Variants in RBMS2 observed in about 807,000 individuals in gnomAD.
RBMS2 encodes the protein RNA-binding motif, single-stranded-interacting protein 2.
Under a neutral mutation model 58.4 loss-of-function variants are expected in RBMS2, and 38 were observed. That is an observed-to-expected ratio of 0.65 (90% CI 0.50 to 0.85). The LOEUF is 0.85. RBMS2 is among the 40% of genes least tolerant of loss of function. RBMS2 has a pLI of 0.00. For missense variants in RBMS2, 367 were observed against 503.7 expected (o/e 0.73, Z 2.60); for synonymous variants, 151 against 180.7 (o/e 0.84, Z 1.32).
At chr12:56,543,208 C>T (rs950120926) in intron 1 of RBMS2, among the ~76,000 whole-genome samples, 7 of 148,950 alleles carry the variant, frequency 4.7e-5, no homozygotes, top group African/African-American at 1.5e-4. Flanking sequence ...GAAGGCCGGG[C>T]GCAGTGGCTC....
At chr12:56,538,642 C>G (rs374226912) in intron 1 of RBMS2, among the ~76,000 whole-genome samples, 1 of 150,348 alleles carries the variant, frequency 6.7e-6, no homozygotes, top group Non-Finnish European at 1.5e-5. Flanking sequence ...CCACCAAGCC[C>G]GGCTAATTTT....
At chr12:56,562,668 G>C (rs1160987505) in intron 2 of RBMS2, 85 bp downstream of exon 2, 72 of 1,415,676 alleles carry the variant, frequency 5.1e-5, no homozygotes, top group Non-Finnish European at 6.4e-5. Flanking sequence ...GTCCAGGCTA[G>C]TCTTGAACTC....
Position 56,569,811 on chromosome 12 carries a change from A to G in RBMS2, c.293-88A>G. 7 of 1,144,046 alleles carry G rather than the reference A, an allele frequency of 6.1e-6. No individual in the cohort carries two copies. In the South Asian group the frequency reaches 7.6e-5, roughly 12 times the overall value. 70.9% of individuals were successfully genotyped at this position (1,144,046 alleles called of 1,614,324 possible). ...CCCTCCCATTTCTGTTACATGGATC[A>G]TAACTCTTCCTCTGTCTCCTGAAAA... On this transcript the variant is annotated intron_variant, in intron 3 of 13. Transcript: ENST00000262031.
intron 2 of RBMS2, among the ~76,000 whole-genome samples, chr12:56,564,803 G>A (rs550264629): frequency 1.2e-4 from 19 of 152,220 alleles, no homozygotes; most frequent in African/African-American, 1.9e-4. Context: ...GTTAAACCCC[G>A]TCTGTACTAA....
intron 1 of RBMS2, among the ~76,000 whole-genome samples, chr12:56,538,158 G>A (rs1040432919): frequency 5.3e-5 from 8 of 151,570 alleles, no homozygotes; most frequent in African/African-American, 9.7e-5. Context: ...TCAGCCTCCC[G>A]GGTAGCTGGG....
chr12:56,534,257 G>A (rs1462911536), intron 1 of RBMS2, among the ~76,000 whole-genome samples: 2 of 151,876 alleles, frequency 1.3e-5, no homozygotes, highest in African/African-American at 4.8e-5. Flanking sequence ...TCCTACCAAG[G>A]GATTTTTGGA....
At chr12:56,546,433 A>G (rs1388003944) in intron 1 of RBMS2, among the ~76,000 whole-genome samples, 2 of 145,532 alleles carry the variant, frequency 1.4e-5, no homozygotes, top group Non-Finnish European at 3.0e-5. Flanking sequence ...TATAATGTAT[A>G]ATATAATATG....
chr12:56,540,597 C>T (rs1420362660), intron 1 of RBMS2, among the ~76,000 whole-genome samples: 1 of 152,146 alleles, frequency 6.6e-6, no homozygotes, highest in Non-Finnish European at 1.5e-5. Context: ...CCAGACTGAT[C>T]TCGAACTCCT....
chr12:56,528,490 C>T (rs1449348772), intron 1 of RBMS2, among the ~76,000 whole-genome samples: 2 of 151,968 alleles, frequency 1.3e-5, no homozygotes, highest in African/African-American at 4.8e-5. Context: ...TAGAGCAGAA[C>T]CCAAATAGAA....
At chr12:56,522,347 A>G (rs1312627071) in intron 1 of RBMS2, among the ~76,000 whole-genome samples, 1 of 152,148 alleles carries the variant, frequency 6.6e-6, no homozygotes, top group Non-Finnish European at 1.5e-5. Flanking sequence ...GCAAGTTTGT[A>G]TCCTTATGAA....
chr12:56,529,556 CCAA>C lies in RBMS2; in HGVS notation c.66+7486_66+7488del, dbSNP rs1035362718. On this transcript the variant is annotated intron_variant, in intron 1 of 13. Coordinates refer to ENST00000262031, the MANE Select transcript of RBMS2 (RefSeq NM_002898.4). ...TTGTGCAACAGAGCAAGACTCTGTC[CCAA>C]CAACAACAACAACAACAATAACAAC... 1.3e-3 allele frequency among the ~76,000 whole-genome samples: 203 copies of C among 151,454 alleles called. 2 individuals carry two copies. Among genetic ancestry groups the C allele is most frequent in the South Asian group, 4.2e-3 (20 of 4,782 alleles).
chr12:56,549,658 G>A (rs1260051467), intron 1 of RBMS2, among the ~76,000 whole-genome samples: 1 of 152,066 alleles, frequency 6.6e-6, no homozygotes, highest in Non-Finnish European at 1.5e-5. Flanking sequence ...GGAAGGATAG[G>A]ACTGTATTAT....
Position 56,595,888 on chromosome 12 carries a change from C to A in RBMS2, c.*6755C>A, listed in dbSNP as rs1281905208. Reference sequence around the variant, plus strand: ...ACCTATCCCAACGCCGTCTCCCCCTCAGGTGTGTAGAAGGGAAGATGAATA... The same window carrying A: ...ACCTATCCCAACGCCGTCTCCCCCTAAGGTGTGTAGAAGGGAAGATGAATA... On this transcript the variant is annotated 3_prime_UTR_variant, in exon 14 of 14. Transcript: ENST00000262031. 8.3e-6 allele frequency: 1 copy of A among 120,022 alleles called. No homozygotes were observed. Among genetic ancestry groups the A allele is most frequent in the Non-Finnish European group, 1.8e-5 (1 of 54,810 alleles). 7.4% of individuals were successfully genotyped at this position (120,022 alleles called of 1,614,324 possible).
In RBMS2 at chr12:56,571,555, C is replaced by T; in HGVS notation, c.385-143C>T. The T allele has an allele frequency of 1.9e-5, 16 of 827,600 alleles. No individual in the cohort carries two copies. The South Asian group carries it at 4.1e-4, about 21-fold the overall frequency. 51.3% of individuals were successfully genotyped at this position (827,600 alleles called of 1,614,324 possible). A position where few individuals can be genotyped will look rare whatever the true frequency, so the allele number is the denominator to read the frequency against. ...CAATATACAACCCGTGGTAGTGGGA[C>T]TGGGTGTTAACAAATAGAATAATCT... is the stretch of plus-strand genomic sequence containing the variant. On this transcript the variant is annotated intron_variant, in intron 4 of 13. Coordinates refer to ENST00000262031, the MANE Select transcript of RBMS2 (RefSeq NM_002898.4).
intron 1 of RBMS2, among the ~76,000 whole-genome samples, chr12:56,545,697 T>C (rs985929622): frequency 1.3e-5 from 2 of 152,208 alleles, no homozygotes; most frequent in Non-Finnish European, 1.5e-5. Flanking sequence ...TCCTTTGTGA[T>C]TGGCTTCTGT....
chr12:56,574,680 G>A (rs1015239374), intron 5 of RBMS2, among the ~76,000 whole-genome samples: 6 of 152,052 alleles, frequency 3.9e-5, no homozygotes, highest in African/African-American at 1.4e-4. Context: ...TCTCTTATAT[G>A]TTTCTATGTT....
intron 5 of RBMS2, among the ~76,000 whole-genome samples, chr12:56,577,275 A>T (rs1883264591): frequency 6.6e-6 from 1 of 150,706 alleles, no homozygotes; most frequent in Non-Finnish European, 1.5e-5. Flanking sequence ...GAGCGCCTGT[A>T]ATCCCAGCTA....
At chr12:56,525,593 G>A (rs898118380) in intron 1 of RBMS2, among the ~76,000 whole-genome samples, 1 of 151,776 alleles carries the variant, frequency 6.6e-6, no homozygotes, top group African/African-American at 2.4e-5. Flanking sequence ...CCATGATCTC[G>A]GCTCACTACA....
intron 12 of RBMS2, 34 bp downstream of exon 12, chr12:56,588,408 A>G: frequency 6.4e-7 from 1 of 1,569,380 alleles, no homozygotes; most frequent in Non-Finnish European, 8.8e-7. Flanking sequence ...GATTGAGATT[A>G]GGAAAATGAA....
Sources: gnomAD v4.1 joint callset for allele counts (sites outside exome capture counted in the v4.1 genomes callset) on GRCh38, gnomAD v4.1.1 for gene constraint, MANE v1.5 for transcripts, NCBI Gene and HGNC (gene_info 2026-07-23, HGNC 2026-07-21) for gene names.